The following TACC2 variants were observed in gnomAD, a reference collection of about 807,000 sequenced individuals.
TACC2 encodes transforming acidic coiled-coil-containing protein 2.
TACC2 carries 137 observed loss-of-function variants against 227.3 expected under a neutral mutation model. The observed-to-expected ratio is 0.60, with a 90% CI of 0.52 to 0.69. The LOEUF (loss-of-function observed/expected upper bound fraction) is 0.69. Among genes scored for constraint, TACC2 ranks in the 30% least tolerant of loss-of-function variants. TACC2 has a pLI of 0.00. For synonymous variants in TACC2, 1,523 were observed against 1,487.5 expected (o/e 1.02, Z -0.55); for missense variants, 3,470 against 3,694.4 (o/e 0.94, Z 1.57).
intron 2 of TACC2, among the ~76,000 whole-genome samples, chr10:122,046,068 G>C (rs576644912): frequency 6.6e-5 from 10 of 152,144 alleles, no homozygotes; most frequent in Non-Finnish European, 1.0e-4. Context: ...CCAGCTGTTC[G>C]GGAGGCTGAG....
chr10:122,233,138 T>G (rs1455214863), intron 16 of TACC2, among the ~76,000 whole-genome samples: 1 of 152,198 alleles, frequency 6.6e-6, no homozygotes, highest in Non-Finnish European at 1.5e-5. Context: ...GGAGAAGTCC[T>G]TAGGGGCCGG....
At chr10:122,235,097 A>AT (rs2095832474) in intron 16 of TACC2, among the ~76,000 whole-genome samples, 1 of 152,018 alleles carries the variant, frequency 6.6e-6, no homozygotes, top group Non-Finnish European at 1.5e-5. Flanking sequence ...CCTTTTTAAA[A>AT]TTTTTTTAAG....
chr10:122,091,607 T>G (rs1305741310), intron 5 of TACC2, among the ~76,000 whole-genome samples: 1 of 152,150 alleles, frequency 6.6e-6, no homozygotes, highest in Non-Finnish European at 1.5e-5. Context: ...GACTCTCTCA[T>G]CCAGCCTGGC....
Position 122,084,119 on chromosome 10 carries a change from G to C in TACC2, c.1619G>C (p.Ser540Thr). Residue 540 changes from serine to threonine, a missense_variant, in exon 4 of 23, where the codon AGT (serine) becomes ACT (threonine). Ser to Thr is a moderately conservative substitution (Grantham distance 58, BLOSUM62 1). Transcript: ENST00000369005. ...APPPPLPKAP[S>T]ESARGPPGPT... The stretch of plus-strand genomic sequence containing the variant: ...CCCCCTCCTCTTCCCAAGGCACCAA[G>C]TGAAAGTGCCAGAGGGCCACCGGGG... The C allele has an allele frequency of 6.2e-7, 1 of 1,614,110 alleles. No homozygotes were observed. The highest frequency in any genetic ancestry group is 8.5e-7 in the Non-Finnish European group (1 of 1,180,020).
chr10:122,166,408 T>C (rs1247842176), intron 7 of TACC2, among the ~76,000 whole-genome samples: 1 of 152,168 alleles, frequency 6.6e-6, no homozygotes, highest in Non-Finnish European at 1.5e-5. Context: ...CAGGAGTGCA[T>C]TGGGCTAGGG....
chr10:122,226,254 G>A (rs568218583), intron 12 of TACC2, 112 bp from the exon 13 acceptor site: 2 of 728,506 alleles, frequency 2.7e-6, no homozygotes, highest in Non-Finnish European at 4.8e-6. Flanking sequence ...AACAATGAAG[G>A]CTTTTCCCTG....
chr10:122,238,064 G>T (rs377489956), intron 18 of TACC2, 27 bp downstream of exon 18: 1 of 1,580,612 alleles, frequency 6.3e-7, no homozygotes, highest in South Asian at 1.1e-5. Context: ...GGCCTTCCTC[G>T]TGCCTGAGGG....
intron 3 of TACC2, chr10:122,052,149 G>C (rs2075771425): frequency 1.3e-5 from 2 of 152,138 alleles, no homozygotes; most frequent in South Asian, 4.2e-4. Flanking sequence ...GGATGACTAT[G>C]AAACTAGTGA....
At chr10:122,061,219 C>G (rs4751868) in intron 3 of TACC2, among the ~76,000 whole-genome samples, 26,353 of 134,082 alleles carry the variant, frequency 0.2, 2,492 homozygotes, top group East Asian at 0.35. Flanking sequence ...GCTGAGGCAG[C>G]AGAATGGCGT....
chr10:122,108,437 A>ATTT (rs2083169326), intron 5 of TACC2, among the ~76,000 whole-genome samples: 1 of 88,600 alleles, frequency 1.1e-5, no homozygotes. Flanking sequence ...TGTATGTCAT[A>ATTT]TTTTCTTTTT....
chr10:121,994,406 T>C (rs780537066), intron 1 of TACC2, among the ~76,000 whole-genome samples: 24 of 152,200 alleles, frequency 1.6e-4, no homozygotes, highest in Non-Finnish European at 2.4e-4. Context: ...AATAAATGTG[T>C]AGTGAGAAGC....
intron 7 of TACC2, among the ~76,000 whole-genome samples, chr10:122,185,021 C>CTTTTTTTTT (rs34148046): frequency 3.1e-5 from 3 of 95,304 alleles, no homozygotes; most frequent in Non-Finnish European, 6.2e-5. Flanking sequence ...GTCACTTATT[C>CTTTTTTTTT]TTTTTTTTTT....
intron 5 of TACC2, among the ~76,000 whole-genome samples, chr10:122,123,177 G>T (rs1033725014): frequency 6.6e-6 from 1 of 152,086 alleles, no homozygotes; most frequent in Non-Finnish European, 1.5e-5. Flanking sequence ...TAATTTTTTT[G>T]TATTTTTAGT....
At chr10:122,220,619 G>T (rs1328190421) in intron 11 of TACC2, among the ~76,000 whole-genome samples, 1 of 152,218 alleles carries the variant, frequency 6.6e-6, no homozygotes, top group Non-Finnish European at 1.5e-5. Context: ...GTGGGGCGGG[G>T]CCCCAGCTGT....
chr10:122,139,625 C>T (rs768339659), intron 6 of TACC2, among the ~76,000 whole-genome samples: 6 of 152,238 alleles, frequency 3.9e-5, no homozygotes, highest in Admixed American at 1.3e-4. Flanking sequence ...CCTTTCTGCA[C>T]TTTGCATCTC....
chr10:122,241,660 T>G (rs1458626886), intron 18 of TACC2: 2 of 463,866 alleles, frequency 4.3e-6, no homozygotes, highest in Non-Finnish European at 7.8e-6. Flanking sequence ...AATCCTAGCC[T>G]TAAGTAATCC....
At chr10:122,131,970 C>T (rs2088219793) in intron 5 of TACC2, among the ~76,000 whole-genome samples, 1 of 151,290 alleles carries the variant, frequency 6.6e-6, no homozygotes, top group Admixed American at 6.6e-5. Flanking sequence ...TGCAATGAGC[C>T]GAGATCACGT....
chr10:122,112,873 C>A (rs1054144773), intron 5 of TACC2, among the ~76,000 whole-genome samples: 1 of 152,154 alleles, frequency 6.6e-6, no homozygotes, highest in Admixed American at 6.5e-5. Context: ...CTGGGCGCGC[C>A]CGGCCCCGCG....
chr10:122,128,466 T>G (rs1299426981), intron 5 of TACC2, among the ~76,000 whole-genome samples: 1 of 152,230 alleles, frequency 6.6e-6, no homozygotes, highest in African/African-American at 2.4e-5. Flanking sequence ...CAGATATCTT[T>G]TATTCCAGAT....
Sources: gnomAD v4.1 joint callset for allele counts (sites outside exome capture counted in the v4.1 genomes callset) on GRCh38, gnomAD v4.1.1 for gene constraint, MANE v1.5 for transcripts, NCBI Gene and HGNC (gene_info 2026-07-23, HGNC 2026-07-21) for gene names.